PRKN: variants seen among roughly 807,000 people sequenced by gnomAD.
The protein encoded by PRKN is E3 ubiquitin-protein ligase parkin.
PRKN carries 56 observed loss-of-function variants against 59.5 expected under a neutral mutation model. The ratio of observed to expected loss-of-function variants is 0.94; its 90% CI spans 0.76 to 1.18. The LOEUF is 1.18. PRKN is among the 50% of genes most tolerant of loss of function. The pLI is 0.00. For missense variants in PRKN, 657 were observed against 596.4 expected, an observed-to-expected ratio of 1.10 and a Z score of -1.06; for synonymous variants, 250 against 222.1, an observed-to-expected ratio of 1.13 and a Z score of -1.12.
rs1785475502 is a variant in PRKN, at chr6:161,372,380, G to GC, written c.1168-12176dup. On this transcript the variant is annotated intron_variant, in intron 10 of 11. Coordinates refer to ENST00000366898, the MANE Select transcript of PRKN (RefSeq NM_004562.3). This position sits in a 1 kb window ranked among gnomAD's most constrained non-coding sequence, Gnocchi z 4.2. Reference sequence around the variant, plus strand: ...CTAATAGGATGTGAGAGGGGTCAAAGCCGACCACAGAGCCTACCTTTTGTG... The same window carrying GC: ...CTAATAGGATGTGAGAGGGGTCAAAGCCCGACCACAGAGCCTACCTTTTGTG... Among the ~76,000 whole-genome samples, 1 of 152,198 alleles carries GC rather than the reference G, an allele frequency of 6.6e-6. No homozygotes were observed. Among genetic ancestry groups the GC allele is most frequent in the South Asian group, 2.1e-4 (1 of 4,824 alleles).
rs895171397 is a variant in PRKN at position 161,376,943 on chromosome 6, G to A, written c.1167+9851C>T. Among the ~76,000 whole-genome samples the A allele has an allele frequency of 5.3e-5, 8 of 152,344 alleles. No homozygotes were observed. The highest frequency in any genetic ancestry group is 2.1e-4 in the South Asian group (1 of 4,828). The stretch of plus-strand genomic sequence containing the variant: ...TGGAGTTAGAGCTGGAATCCCTCCC[G>A]CCAGTGGCCAAAGAGGAGCCTGTCA... On this transcript the variant is annotated intron_variant, in intron 10 of 11. Coordinates refer to ENST00000366898, the MANE Select transcript of PRKN (RefSeq NM_004562.3). The surrounding 1 kb of genome is among the most constrained non-coding windows in gnomAD (Gnocchi z 7.3).
At chr6:162,552,427 G>T (rs1220582498) in intron 1 of PRKN, among the ~76,000 whole-genome samples, 1 of 152,156 alleles carries the variant, frequency 6.6e-6, no homozygotes, top group Non-Finnish European at 1.5e-5. Context: ...GATGTACTCT[G>T]GAGGTATATC....
At chr6:161,608,494 A>T (rs1021954296) in intron 7 of PRKN, among the ~76,000 whole-genome samples, 1 of 152,064 alleles carries the variant, frequency 6.6e-6, no homozygotes, top group African/African-American at 2.4e-5. Flanking sequence ...TAGTAGTTAA[A>T]ATTAAAGTAA....
chr6:162,227,152 A>G (rs1246782255), intron 3 of PRKN, among the ~76,000 whole-genome samples: 1 of 152,212 alleles, frequency 6.6e-6, no homozygotes, highest in African/African-American at 2.4e-5. Context: ...AGTCTTCCGC[A>G]TATGTACATC....
At chr6:161,621,078 C>G (rs1782879847) in intron 7 of PRKN, among the ~76,000 whole-genome samples, 1 of 152,134 alleles carries the variant, frequency 6.6e-6, no homozygotes, top group Admixed American at 6.6e-5. Flanking sequence ...ATCAATGCCC[C>G]TGACAGCCTG....
chr6:161,936,228 G>A (rs948277777), intron 6 of PRKN, among the ~76,000 whole-genome samples: 6 of 93,822 alleles, frequency 6.4e-5, no homozygotes, highest in Non-Finnish European at 4.4e-5. Flanking sequence ...TTTTTTTTTT[G>A]AGACAGAGTC....
In PRKN at chr6:161,414,326, G is replaced by T. The variant is rs1436381639; in HGVS notation, c.1084-27449C>A. On this transcript the variant is annotated intron_variant, in intron 9 of 11. Transcript: ENST00000366898. This position sits in a 1 kb window ranked among gnomAD's most constrained non-coding sequence, Gnocchi z 5.3. ...CAGCGGCCAGTCTCTGTGTTCTCGGGCGCTCTGTGTCAGGTCCTGGTATTT... is the reference window on the plus strand; with the variant it reads ...CAGCGGCCAGTCTCTGTGTTCTCGGTCGCTCTGTGTCAGGTCCTGGTATTT... Among the ~76,000 whole-genome samples the T allele has an allele frequency of 1.3e-5, 2 of 152,112 alleles. No individual in the cohort carries two copies. Among genetic ancestry groups the T allele is most frequent in the African/African-American group, 2.4e-5 (1 of 41,404 alleles).
intron 9 of PRKN, among the ~76,000 whole-genome samples, chr6:161,514,786 C>A (rs1778524767): frequency 6.6e-6 from 1 of 152,070 alleles, no homozygotes; most frequent in South Asian, 2.1e-4. Context: ...GGCTCTGGTT[C>A]CAGGAGGACT....
intron 6 of PRKN, among the ~76,000 whole-genome samples, chr6:161,791,411 G>C (rs565396675): frequency 6.6e-6 from 1 of 152,166 alleles, no homozygotes; most frequent in Non-Finnish European, 1.5e-5. Flanking sequence ...AATAGCATGC[G>C]AGTTTTTATG....
At chr6:162,333,892 A>G (rs1037709936) in intron 2 of PRKN, among the ~76,000 whole-genome samples, 3 of 152,214 alleles carry the variant, frequency 2.0e-5, no homozygotes, top group African/African-American at 7.2e-5. Context: ...GAAGGCAATG[A>G]AAAGTGCTAC....
At chr6:161,596,914 G>A (rs1317063688) in intron 7 of PRKN, among the ~76,000 whole-genome samples, 1 of 152,152 alleles carries the variant, frequency 6.6e-6, no homozygotes, top group Non-Finnish European at 1.5e-5. Context: ...GAGAATTGAT[G>A]GCTAATCTCA....
At chr6:161,370,424 CA>C (rs71004046) in intron 10 of PRKN, among the ~76,000 whole-genome samples, 5,718 of 120,910 alleles carry the variant, frequency 0.047, 144 homozygotes, top group African/African-American at 0.076. Context: ...ACTCAAAATA[CA>C]AAAAAAAAAA....
intron 7 of PRKN, among the ~76,000 whole-genome samples, chr6:161,757,877 A>G (rs200254230): frequency 0.15 from 3,265 of 21,536 alleles, 91 homozygotes; most frequent in Middle Eastern, 0.22. Context: ...CTCTCTGTGT[A>G]TATATATATA....
In PRKN at chr6:162,690,962, G is replaced by A. The variant is rs955528060; in HGVS notation, c.7+36700C>T. Among the ~76,000 whole-genome samples the A allele has an allele frequency of 1.4e-4, 22 of 152,084 alleles. 1 individual carries two copies. The highest frequency in any genetic ancestry group is 6.5e-5 in the Admixed American group (1 of 15,276). On this transcript the variant is annotated intron_variant, in intron 1 of 11. Transcript: ENST00000366898. ...CTGAATGTTATGCCTTCATGCTACA[G>A]TAAATACCTTTGGTTATGAAGGATA...
At chr6:162,227,461 A>G (rs1297952468) in intron 3 of PRKN, among the ~76,000 whole-genome samples, 1 of 152,122 alleles carries the variant, frequency 6.6e-6, no homozygotes, top group Non-Finnish European at 1.5e-5. Flanking sequence ...AACCCAAAAC[A>G]TATCCAATTA....
rs1583180562 is a variant in PRKN at position 161,518,094 on chromosome 6, C to G, written c.1083+30760G>C. 6.6e-6 allele frequency among the ~76,000 whole-genome samples: 1 copy of G among 152,214 alleles called. No homozygotes were observed. Among genetic ancestry groups the G allele is most frequent in the East Asian group, 1.9e-4 (1 of 5,190 alleles). On this transcript the variant is annotated intron_variant, in intron 9 of 11. Transcript: ENST00000366898. This position sits in a 1 kb window ranked among gnomAD's most constrained non-coding sequence, Gnocchi z 5.0. Reference sequence around the variant, plus strand: ...TATGAGGGCATGTGCGAGTCTAGCTCTCCAGATACCTTAGATGAAGGCCAC... The same window carrying G: ...TATGAGGGCATGTGCGAGTCTAGCTGTCCAGATACCTTAGATGAAGGCCAC...
In PRKN at chr6:162,404,888, C is replaced by A. The variant is rs1185399321; in HGVS notation, c.171+38422G>T. On this transcript the variant is annotated intron_variant, in intron 2 of 11. Coordinates refer to ENST00000366898, the MANE Select transcript of PRKN (RefSeq NM_004562.3). ...TTTAAAAAGTGAACATAGAGCCACA[C>A]ACCAAGTAAGGAAATACTTTTAGCA... Among the ~76,000 whole-genome samples the A allele has an allele frequency of 2.0e-5, 3 of 152,174 alleles. No homozygotes were observed. In the East Asian group the frequency reaches 5.8e-4, roughly 29 times the overall value.
intron 2 of PRKN, among the ~76,000 whole-genome samples, chr6:162,440,672 A>C (rs1178672710): frequency 6.6e-6 from 1 of 152,156 alleles, no homozygotes; most frequent in African/African-American, 2.4e-5. Context: ...ACACCACCCC[A>C]GCCATCTCTT....
intron 3 of PRKN, among the ~76,000 whole-genome samples, chr6:162,210,535 C>A (rs905133851): frequency 2.0e-5 from 3 of 152,114 alleles, no homozygotes; most frequent in Non-Finnish European, 4.4e-5. Context: ...AAATCCACTG[C>A]ATTTTTGTAA....
Sources: gnomAD v4.1 joint callset for allele counts (sites outside exome capture counted in the v4.1 genomes callset) on GRCh38, gnomAD v4.1.1 for gene constraint, Gnocchi (gnomAD v3.1) non-coding constraint, MANE v1.5 for transcripts, NCBI Gene and HGNC (gene_info 2026-07-23, HGNC 2026-07-21) for gene names.